KAZN: variants seen among roughly 807,000 people sequenced by gnomAD.
The protein encoded by KAZN is kazrin.
A neutral mutation model predicts 87.4 loss-of-function variants in KAZN; 40 were observed. That is an observed-to-expected ratio of 0.46 (90% CI 0.36 to 0.60). KAZN has a LOEUF of 0.60. Among genes scored for constraint, KAZN ranks in the 20% least tolerant of loss-of-function variants. KAZN has a pLI of 0.00. For missense variants in KAZN, 898 were observed against 1,073.9 expected (o/e 0.84, Z 2.29); for synonymous variants, 466 against 458.3 (o/e 1.02, Z -0.22).
chr1:14,865,422 T>A (rs1361210303), intron 1 of KAZN, among the ~76,000 whole-genome samples: 1 of 152,208 alleles, frequency 6.6e-6, no homozygotes, highest in African/African-American at 2.4e-5. Flanking sequence ...TGGTGTATTT[T>A]AAGACAAGAT....
intron 1 of KAZN, among the ~76,000 whole-genome samples, chr1:14,170,945 C>T (rs559664957): frequency 3.3e-5 from 5 of 152,286 alleles, no homozygotes; most frequent in South Asian, 2.1e-4. Flanking sequence ...AACTCCTGAC[C>T]TCGTGATCCA....
intron 1 of KAZN, among the ~76,000 whole-genome samples, chr1:14,721,263 A>C (rs1314826092): frequency 2.0e-5 from 3 of 152,108 alleles, no homozygotes; most frequent in African/African-American, 7.2e-5. Flanking sequence ...CGTGCTTGTG[A>C]GTGAGTTCTC....
At chr1:14,482,930 A>G (rs1334786576) in intron 2 of KAZN, among the ~76,000 whole-genome samples, 5 of 152,222 alleles carry the variant, frequency 3.3e-5, no homozygotes, top group South Asian at 2.1e-4. Flanking sequence ...GGTAAGTTAC[A>G]TAACCTCTTT....
intron 1 of KAZN, among the ~76,000 whole-genome samples, chr1:14,780,156 C>G (rs1316350966): frequency 2.6e-5 from 4 of 152,216 alleles, no homozygotes; most frequent in African/African-American, 9.7e-5. Context: ...CGTGTTTCTT[C>G]TTTAGGGCTT....
rs546437532 is a variant in KAZN at position 15,070,480 on chromosome 1, T to C, written c.1222+4727T>C. Reference sequence around the variant, plus strand: ...TACCAGAGCTGCAGATCCTGAGGGGTAGTGCAGCCCCCAACACCTGGGGAG... The same window carrying C: ...TACCAGAGCTGCAGATCCTGAGGGGCAGTGCAGCCCCCAACACCTGGGGAG... On this transcript the variant is annotated intron_variant, in intron 8 of 14. Transcript: ENST00000376030. Among the ~76,000 whole-genome samples the C allele has an allele frequency of 1.6e-4, 25 of 151,930 alleles. No individual in the cohort carries two copies. The South Asian group carries it at 2.3e-3, about 14-fold the overall frequency.
At chr1:14,532,067 G>A (rs1266363379) in intron 2 of KAZN, among the ~76,000 whole-genome samples, 1 of 152,098 alleles carries the variant, frequency 6.6e-6, no homozygotes, top group African/African-American at 2.4e-5. Context: ...AAAAGAAGTT[G>A]GAAACTCACT....
chr1:13,923,369 T>C (rs113728572), intron 1 of KAZN, among the ~76,000 whole-genome samples: 14 of 151,786 alleles, frequency 9.2e-5, no homozygotes, highest in South Asian at 2.1e-4. Context: ...GTCAGGAGAT[T>C]GAGACCATCC....
rs1279086963 is a variant in KAZN, at chr1:15,021,573, C to T, written c.419-13176C>T. ...GAGCAGGCAGTGGGGGCCTGCTTCC[C>T]GGGGCCCTCCGCCCTCCTGGCTTCC... On this transcript the variant is annotated intron_variant, in intron 2 of 14. Coordinates refer to ENST00000376030, the MANE Select transcript of KAZN (RefSeq NM_201628.3). The surrounding 1 kb of genome is among the most constrained non-coding windows in gnomAD (Gnocchi z 4.2). Among the ~76,000 whole-genome samples, 3 of 152,108 alleles carry T rather than the reference C, an allele frequency of 2.0e-5. No homozygotes were observed. The highest frequency in any genetic ancestry group is 2.9e-5 in the Non-Finnish European group (2 of 68,020).
At chr1:14,005,746 CT>C (rs1446881080) in intron 1 of KAZN, among the ~76,000 whole-genome samples, 1 of 152,112 alleles carries the variant, frequency 6.6e-6, no homozygotes, top group Admixed American at 6.6e-5. Context: ...ATGCTTTGAG[CT>C]TTAGGAAGGG....
chr1:14,327,439 G>A (rs1190466007), intron 2 of KAZN, among the ~76,000 whole-genome samples: 2 of 152,054 alleles, frequency 1.3e-5, no homozygotes, highest in East Asian at 1.9e-4. Context: ...TTGCTATGGC[G>A]AATTCCCTCT....
chr1:14,998,743 T>G (rs914249587), intron 2 of KAZN, among the ~76,000 whole-genome samples: 5 of 152,064 alleles, frequency 3.3e-5, no homozygotes, highest in African/African-American at 1.2e-4. Context: ...GAGACGGGGT[T>G]TCGCCATGTT....
intron 1 of KAZN, among the ~76,000 whole-genome samples, chr1:14,073,433 G>A (rs1323937034): frequency 6.6e-6 from 1 of 151,946 alleles, no homozygotes; most frequent in Non-Finnish European, 1.5e-5. Context: ...TAAGTTCTGG[G>A]ATACATGTGC....
chr1:14,375,540 A>G (rs1389747280), intron 2 of KAZN, among the ~76,000 whole-genome samples: 1 of 152,190 alleles, frequency 6.6e-6, no homozygotes, highest in Non-Finnish European at 1.5e-5. Context: ...AGATTAAACC[A>G]ATCTGCATTT....
intron 2 of KAZN, among the ~76,000 whole-genome samples, chr1:14,558,011 T>A (rs763362185): frequency 2.1e-4 from 32 of 152,232 alleles, no homozygotes; most frequent in African/African-American, 7.2e-4. Context: ...CAAACTCTGA[T>A]GTCCAAAGGG....
At chr1:14,301,788 C>T (rs375500816) in intron 2 of KAZN, among the ~76,000 whole-genome samples, 29 of 152,200 alleles carry the variant, frequency 1.9e-4, no homozygotes, top group African/African-American at 6.8e-4. Flanking sequence ...GGTACTCCTT[C>T]CTTTCCCTAC....
chr1:14,360,972 A>C (rs1048369747), intron 2 of KAZN, among the ~76,000 whole-genome samples: 25 of 152,190 alleles, frequency 1.6e-4, no homozygotes, highest in African/African-American at 6.0e-4. Context: ...GCACTGTGCT[A>C]GGAGATCGGC....
chr1:14,295,597 A>G (rs888277594), intron 2 of KAZN, among the ~76,000 whole-genome samples: 2 of 152,126 alleles, frequency 1.3e-5, no homozygotes, highest in Non-Finnish European at 2.9e-5. Context: ...ACACAAACCC[A>G]TGTGCACCAA....
intron 2 of KAZN, among the ~76,000 whole-genome samples, chr1:14,590,532 G>A (rs1676132215): frequency 6.6e-6 from 1 of 152,168 alleles, no homozygotes; most frequent in African/African-American, 2.4e-5. Context: ...CTAGGTGAAT[G>A]TGAGCAAATC....
chr1:14,598,540 C>T (rs542969821), upstream of KAZN, among the ~76,000 whole-genome samples: 3 of 152,174 alleles, frequency 2.0e-5, no homozygotes, highest in East Asian at 3.9e-4. The surrounding 1 kb of genome is among the most constrained non-coding windows in gnomAD (Gnocchi z 4.2). Context: ...TGCCGTCCGC[C>T]GCCTCCGCCC....
Sources: allele counts gnomAD v4.1 joint callset (sites outside exome capture counted in the v4.1 genomes callset), GRCh38; gene constraint gnomAD v4.1.1; non-coding constraint Gnocchi (gnomAD v3.1); transcripts MANE v1.5; gene names NCBI Gene and HGNC (gene_info 2026-07-23, HGNC 2026-07-21).